ERBB4: variants seen among roughly 807,000 people sequenced by gnomAD.
The protein encoded by ERBB4 is erb-b2 receptor tyrosine kinase 4.
A neutral mutation model predicts 158.0 loss-of-function variants in ERBB4; 42 were observed. The ratio of observed to expected loss-of-function variants is 0.27; its 90% CI spans 0.21 to 0.34. ERBB4 has a LOEUF of 0.34. Among genes scored for constraint, ERBB4 ranks in the 10% least tolerant of loss-of-function variants. ERBB4 has a pLI of 1.00. For missense variants in ERBB4, 1,333 were observed against 1,624.1 expected, an observed-to-expected ratio of 0.82 and a Z score of 3.08; for synonymous variants, 583 against 558.7, an observed-to-expected ratio of 1.04 and a Z score of -0.61.
intron 4 of ERBB4, among the ~76,000 whole-genome samples, chr2:211,768,499 C>G (rs2075612543): frequency 6.6e-6 from 1 of 152,206 alleles, no homozygotes; most frequent in South Asian, 2.1e-4. Flanking sequence ...TCCACTGCAA[C>G]AAACTTCTTC....
chr2:211,980,890 CT>C (rs2081773405), intron 2 of ERBB4, among the ~76,000 whole-genome samples: 1 of 152,008 alleles, frequency 6.6e-6, no homozygotes, highest in African/African-American at 2.4e-5. Context: ...ATTTTCGCCC[CT>C]TTCTTGTCAG....
intron 19 of ERBB4, among the ~76,000 whole-genome samples, chr2:211,597,402 A>T (rs1200970393): frequency 1.3e-5 from 2 of 152,224 alleles, no homozygotes; most frequent in Non-Finnish European, 2.9e-5. Context: ...ACATAATAAC[A>T]TAAATGGATT....
intron 2 of ERBB4, among the ~76,000 whole-genome samples, chr2:212,080,723 G>C (rs1054719985): frequency 1.3e-5 from 2 of 148,386 alleles, no homozygotes; most frequent in Non-Finnish European, 3.0e-5. Context: ...TTATCTGGAA[G>C]ATTACATTTC....
intron 2 of ERBB4, among the ~76,000 whole-genome samples, chr2:212,093,762 A>G (rs1265118728): frequency 6.6e-6 from 1 of 152,232 alleles, no homozygotes; most frequent in Non-Finnish European, 1.5e-5. Context: ...CATTATAAAT[A>G]TATAAAGACA....
intron 4 of ERBB4, among the ~76,000 whole-genome samples, chr2:211,770,762 T>C (rs1338152250): frequency 6.6e-6 from 1 of 152,158 alleles, no homozygotes; most frequent in Non-Finnish European, 1.5e-5. Context: ...GGCCCCCAAA[T>C]CAGGCTCTTA....
intron 1 of ERBB4, among the ~76,000 whole-genome samples, chr2:212,137,988 G>A (rs1363951001): frequency 2.0e-5 from 3 of 151,940 alleles, no homozygotes; most frequent in African/African-American, 7.3e-5. Flanking sequence ...TGGTGCTCTG[G>A]GTTATCTGTA....
intron 1 of ERBB4, among the ~76,000 whole-genome samples, chr2:212,476,769 T>C (rs376455844): frequency 6.6e-6 from 1 of 152,146 alleles, no homozygotes; most frequent in South Asian, 2.1e-4. Context: ...TCCATAAAAA[T>C]ATTTTCCTAT....
At chr2:212,312,482 T>G (rs992052020) in intron 1 of ERBB4, among the ~76,000 whole-genome samples, 25 of 151,036 alleles carry the variant, frequency 1.7e-4, no homozygotes, top group African/African-American at 5.3e-4. Context: ...ATTAATTTAG[T>G]GCACTAAAAT....
In ERBB4 at chr2:212,518,666, C is replaced by T. The variant is rs1260908776; in HGVS notation, c.82+19783G>A. Among the ~76,000 whole-genome samples, 3 of 151,940 alleles carry T rather than the reference C, an allele frequency of 2.0e-5. No individual in the cohort carries two copies. The East Asian group carries it at 5.8e-4, about 29-fold the overall frequency. On this transcript the variant is annotated intron_variant, in intron 1 of 27. Transcript: ENST00000342788. ...GATCAATCTTGACAATCTACTTATA[C>T]TTAATAATTTCCAAAGAGTTTAGAA...
intron 2 of ERBB4, among the ~76,000 whole-genome samples, chr2:212,082,514 A>T (rs1028913342): frequency 6.6e-6 from 1 of 152,098 alleles, no homozygotes; most frequent in Non-Finnish European, 1.5e-5. Flanking sequence ...TGTGGGTATT[A>T]GAACAGGGCT....
At chr2:212,427,924 T>C (rs1022727954) in intron 1 of ERBB4, among the ~76,000 whole-genome samples, 4 of 152,188 alleles carry the variant, frequency 2.6e-5, no homozygotes, top group Non-Finnish European at 5.9e-5. Context: ...ATGCAAATTC[T>C]GCAAGCTTCA....
intron 1 of ERBB4, among the ~76,000 whole-genome samples, chr2:212,502,652 T>G (rs1283828741): frequency 2.0e-5 from 3 of 152,048 alleles, no homozygotes; most frequent in African/African-American, 4.8e-5. Context: ...TCTCTTAGAG[T>G]TGGGTATGTC....
At chr2:211,658,573 T>C (rs1299564725) in intron 15 of ERBB4, among the ~76,000 whole-genome samples, 1 of 152,194 alleles carries the variant, frequency 6.6e-6, no homozygotes, top group African/African-American at 2.4e-5. Context: ...ATCTTAAACA[T>C]GAATTTATTT....
chr2:211,805,505 T>C (rs1308821595), intron 3 of ERBB4, among the ~76,000 whole-genome samples: 5 of 152,230 alleles, frequency 3.3e-5, no homozygotes, highest in African/African-American at 7.2e-5. Flanking sequence ...TAAAATATTT[T>C]ACCTATGTAT....
At chr2:212,070,712 A>G (rs1320981864) in intron 2 of ERBB4, among the ~76,000 whole-genome samples, 1 of 132,462 alleles carries the variant, frequency 7.5e-6, no homozygotes, top group Non-Finnish European at 1.7e-5. Flanking sequence ...CAAAGACATA[A>G]ATATAAAAGC....
chr2:211,679,836 C>T (rs540921512), intron 12 of ERBB4, among the ~76,000 whole-genome samples: 30 of 152,068 alleles, frequency 2.0e-4, no homozygotes, highest in Non-Finnish European at 3.8e-4. Context: ...CACACTACCA[C>T]GCCCAGATAA....
intron 20 of ERBB4, among the ~76,000 whole-genome samples, chr2:211,535,257 AAT>A (rs1278562642): frequency 6.6e-6 from 1 of 152,048 alleles, no homozygotes; most frequent in East Asian, 1.9e-4. Flanking sequence ...CTGTTGGTAA[AAT>A]ATGTTTGATC....
At chr2:211,859,329 T>C (rs2106065292) in intron 3 of ERBB4, among the ~76,000 whole-genome samples, 1 of 152,296 alleles carries the variant, frequency 6.6e-6, no homozygotes, top group East Asian at 1.9e-4. Flanking sequence ...CCCTAACTTA[T>C]AACTTGATTA....
intron 25 of ERBB4, among the ~76,000 whole-genome samples, chr2:211,396,863 A>G (rs1185812343): frequency 6.6e-6 from 1 of 152,200 alleles, no homozygotes; most frequent in East Asian, 1.9e-4. Context: ...TATTCATCCA[A>G]CTACTGCTCT....
Sources: allele counts gnomAD v4.1 joint callset (sites outside exome capture counted in the v4.1 genomes callset), GRCh38; gene constraint gnomAD v4.1.1; transcripts MANE v1.5; gene names NCBI Gene and HGNC (gene_info 2026-07-23, HGNC 2026-07-21).